The following SLC16A7 variants were observed in gnomAD, a reference collection of about 807,000 sequenced individuals.
The protein encoded by SLC16A7 is monocarboxylate transporter 2.
In SLC16A7, 33 loss-of-function variants were observed where a neutral mutation model predicts 34.9. That is an observed-to-expected ratio of 0.94 (90% CI 0.72 to 1.26). The LOEUF is 1.26. Ranked by LOEUF, SLC16A7 falls within the 50% of genes most tolerant of loss-of-function variation. SLC16A7 has a pLI of 0.00. For missense variants in SLC16A7, 573 were observed against 578.1 expected, an observed-to-expected ratio of 0.99 and a Z score of 0.09; for synonymous variants, 201 against 206.6, an observed-to-expected ratio of 0.97 and a Z score of 0.23.
chr12:59,764,872 G>A (rs1211392488), intron 3 of SLC16A7, among the ~76,000 whole-genome samples: 3 of 152,068 alleles, frequency 2.0e-5, no homozygotes, highest in African/African-American at 7.3e-5. Flanking sequence ...TGGGTCAAAT[G>A]GTATTTCTAG....
In SLC16A7 at chr12:59,718,392, A is replaced by C. The variant is rs540977121; in HGVS notation, c.217+13374A>C. On this transcript the variant is annotated intron_variant, in intron 3 of 5. Transcript: ENST00000547379. ...ATTTTTTGCCTTTTTTGTTTCTAAGAGGCATTGACATAGTGGAATAGTGGT... is the reference window on the plus strand; with the variant it reads ...ATTTTTTGCCTTTTTTGTTTCTAAGCGGCATTGACATAGTGGAATAGTGGT... Among the ~76,000 whole-genome samples the C allele has an allele frequency of 1.4e-3, 209 of 152,182 alleles. 1 individual carries two copies. Among genetic ancestry groups the C allele is most frequent in the Middle Eastern group, 6.8e-3 (2 of 294 alleles).
intron 1 of SLC16A7, among the ~76,000 whole-genome samples, chr12:59,606,639 T>A (rs1878954568): frequency 6.6e-6 from 1 of 152,178 alleles, no homozygotes; most frequent in Non-Finnish European, 1.5e-5. Flanking sequence ...AGCCGATGTT[T>A]CAGTGCAGGT....
intron 2 of SLC16A7, among the ~76,000 whole-genome samples, chr12:59,663,940 C>T (rs1868989665): frequency 6.6e-6 from 1 of 151,986 alleles, no homozygotes; most frequent in East Asian, 1.9e-4. Flanking sequence ...GTGGCTACTG[C>T]TTAGTGCTTA....
At chr12:59,711,494 G>A (rs1215240015) in intron 3 of SLC16A7, among the ~76,000 whole-genome samples, 3 of 151,958 alleles carry the variant, frequency 2.0e-5, no homozygotes, top group African/African-American at 7.3e-5. Context: ...GAAATATAAT[G>A]CTTAGTAGCC....
intron 2 of SLC16A7, among the ~76,000 whole-genome samples, chr12:59,674,733 A>G (rs1870164604): frequency 6.6e-6 from 1 of 152,212 alleles, no homozygotes; most frequent in Admixed American, 6.5e-5. Context: ...TCCAATAAAA[A>G]GGGCTAAAAT....
At chr12:59,623,496 G>C in intron 1 of SLC16A7, among the ~76,000 whole-genome samples, 1 of 151,536 alleles carries the variant, frequency 6.6e-6, no homozygotes. Flanking sequence ...ATATAAATTT[G>C]ATATATTTTG....
At chr12:59,691,400 A>G (rs1243395246) in intron 2 of SLC16A7, among the ~76,000 whole-genome samples, 1 of 151,998 alleles carries the variant, frequency 6.6e-6, no homozygotes, top group Non-Finnish European at 1.5e-5. Flanking sequence ...GATTGGCTAT[A>G]TGTTGTTTTT....
chr12:59,614,824 T>TAAAA (rs71448588), intron 1 of SLC16A7, among the ~76,000 whole-genome samples: 13 of 35,748 alleles, frequency 3.6e-4, no homozygotes, highest in African/African-American at 8.7e-4. Flanking sequence ...CCATTCCTAC[T>TAAAA]AAAAAAAAAA....
In SLC16A7 at chr12:59,727,164, A is replaced by ATTT. The variant is rs199777139; in HGVS notation, c.217+22147_217+22148insTTT. On this transcript the variant is annotated intron_variant, in intron 3 of 5. Transcript: ENST00000547379. ...ATATGAGATGGACATATATATATAT[A>ATTT]TATATAATATATATATGTTGTATTT... Among the ~76,000 whole-genome samples, 99 of 145,940 alleles carry ATTT rather than the reference A, an allele frequency of 6.8e-4. 1 individual carries two copies. The South Asian group carries it at 0.015, about 22-fold the overall frequency.
At chr12:59,767,060 G>A (rs570973891) in intron 3 of SLC16A7, among the ~76,000 whole-genome samples, 4 of 150,026 alleles carry the variant, frequency 2.7e-5, no homozygotes, top group East Asian at 3.9e-4. Context: ...TTAGTCTTGC[G>A]AGGGTGTATG....
At chr12:59,598,246 G>T (rs1360335982) in intron 1 of SLC16A7, among the ~76,000 whole-genome samples, 1 of 152,180 alleles carries the variant, frequency 6.6e-6, no homozygotes, top group Non-Finnish European at 1.5e-5. Context: ...AACAATCTGG[G>T]CTTTACCTTT....
intron 3 of SLC16A7, among the ~76,000 whole-genome samples, chr12:59,736,180 G>A (rs1374172477): frequency 6.6e-6 from 1 of 152,022 alleles, no homozygotes; most frequent in Non-Finnish European, 1.5e-5. Context: ...AGTTTGAGCT[G>A]GATCTTAAAG....
chr12:59,750,053 C>A (rs984161358), intron 3 of SLC16A7, among the ~76,000 whole-genome samples: 12 of 152,194 alleles, frequency 7.9e-5, no homozygotes, highest in African/African-American at 2.4e-4. Flanking sequence ...ACACCTTATA[C>A]AAAAATTAAC....
intron 1 of SLC16A7, among the ~76,000 whole-genome samples, chr12:59,642,264 A>C (rs1357773004): frequency 3.3e-5 from 5 of 151,946 alleles, no homozygotes; most frequent in African/African-American, 4.8e-5. Context: ...CTGTTAGCCC[A>C]TTGATTCCTC....
At chr12:59,629,720 T>C (rs111496670) in intron 1 of SLC16A7, among the ~76,000 whole-genome samples, 1 of 151,790 alleles carries the variant, frequency 6.6e-6, no homozygotes, top group Non-Finnish European at 1.5e-5. Flanking sequence ...TGTCTAAACA[T>C]TTGATTTCCC....
At chr12:59,637,510 G>A (rs1188971078) in intron 1 of SLC16A7, among the ~76,000 whole-genome samples, 6 of 151,172 alleles carry the variant, frequency 4.0e-5, no homozygotes, top group Admixed American at 4.0e-4. Flanking sequence ...AAAGGTGTGA[G>A]ACCTTTTCTC....
At chr12:59,641,720 A>C (rs1190584185) in intron 1 of SLC16A7, among the ~76,000 whole-genome samples, 1 of 151,944 alleles carries the variant, frequency 6.6e-6, no homozygotes, top group Non-Finnish European at 1.5e-5. Flanking sequence ...TGTTTCTTAC[A>C]TTTTCCGTTA....
intron 3 of SLC16A7, among the ~76,000 whole-genome samples, chr12:59,755,924 G>A (rs113854096): frequency 0.46 from 69,148 of 151,776 alleles, 17,586 homozygotes; most frequent in African/African-American, 0.69. Flanking sequence ...GATCAATGGA[G>A]CAGAACAGAG....
intron 3 of SLC16A7, among the ~76,000 whole-genome samples, chr12:59,715,315 C>T (rs1874768874): frequency 6.6e-6 from 1 of 152,110 alleles, no homozygotes; most frequent in Non-Finnish European, 1.5e-5. Context: ...ACATTGTATT[C>T]AATATATTTC....
Sources: gnomAD v4.1 joint callset for allele counts (sites outside exome capture counted in the v4.1 genomes callset) on GRCh38, gnomAD v4.1.1 for gene constraint, MANE v1.5 for transcripts, NCBI Gene and HGNC (gene_info 2026-07-23, HGNC 2026-07-21) for gene names.